PXDN: variants seen among roughly 807,000 people sequenced by gnomAD.
PXDN encodes peroxidasin.
In PXDN, 77 loss-of-function variants were observed where a neutral mutation model predicts 140.3. The ratio of observed to expected loss-of-function variants is 0.55; its 90% CI spans 0.46 to 0.66. The LOEUF (loss-of-function observed/expected upper bound fraction) is 0.66. Among genes scored for constraint, PXDN ranks in the 30% least tolerant of loss-of-function variants. PXDN has a pLI of 0.00. For synonymous variants in PXDN, 911 were observed against 857.4 expected, an observed-to-expected ratio of 1.06 and a Z score of -1.09; for missense variants, 1,838 against 2,039.5, an observed-to-expected ratio of 0.90 and a Z score of 1.90.
chr2:1,731,149 C>CGT (rs1351507370), intron 1 of PXDN, among the ~76,000 whole-genome samples: 3 of 115,748 alleles, frequency 2.6e-5, no homozygotes, highest in Admixed American at 7.7e-5. Flanking sequence ...TGAGAGCGCG[C>CGT]GCGCACACAC....
rs772991434 is a variant in PXDN at position 1,648,683 on chromosome 2, G to A, written c.3097C>T (p.His1033Tyr). ...GAEIQHITYQ[H>Y]WLPKILGEVG... Reference sequence around the variant, plus strand: ...TCCCCCAGGATCTTCGGGAGCCAGTGCTGGTAGGTGATGTGCTGGATCTCC... The same window carrying A: ...TCCCCCAGGATCTTCGGGAGCCAGTACTGGTAGGTGATGTGCTGGATCTCC... Residue 1033 changes from histidine (H) to tyrosine (Y), a missense_variant, in exon 17 of 23, where the codon CAC (histidine) becomes TAC (tyrosine). Physicochemically the swap from His to Tyr is moderately conservative, Grantham distance 83. This residue lies in a region of PXDN where 850 missense variants were observed against 894.1 expected (regional missense o/e 0.95). Transcript: ENST00000252804. This position sits in a 1 kb window ranked among gnomAD's most constrained non-coding sequence, Gnocchi z 8.9. 3.1e-6 allele frequency: 5 copies of A among 1,608,042 alleles called. No homozygotes were observed. The highest frequency in any genetic ancestry group is 4.2e-6 in the Non-Finnish European group (5 of 1,177,660).
At chr2:1,701,231 T>C (rs1684420409) in intron 1 of PXDN, among the ~76,000 whole-genome samples, 1 of 152,230 alleles carries the variant, frequency 6.6e-6, no homozygotes, top group African/African-American at 2.4e-5. Context: ...TCAGAGCTTG[T>C]GTTCCGAGAG....
intron 12 of PXDN, among the ~76,000 whole-genome samples, chr2:1,663,290 C>T (rs180806583): frequency 3.3e-5 from 5 of 152,210 alleles, no homozygotes; most frequent in African/African-American, 1.2e-4. Flanking sequence ...TAGAAACAAC[C>T]CTTTTCTAAA....
chr2:1,722,313 G>A (rs1328110178), intron 1 of PXDN, among the ~76,000 whole-genome samples: 1 of 152,224 alleles, frequency 6.6e-6, no homozygotes, highest in African/African-American at 2.4e-5. Context: ...CTGTGATGCT[G>A]ACGCAGTCTC....
Position 1,664,977 on chromosome 2 carries a change from G to C in PXDN, c.1389C>G (p.Val463=). ...QCEAKGNPPP[V]IAWTKGGSQL... The stretch of plus-strand genomic sequence containing the variant: ...TCTTACCTCCCTTGGTCCAGGCGAT[G>C]ACGGGCGGCGGGTTGCCCTTGGCTT... The change falls in exon 11 of 23, where the codon GTC becomes GTG. Residue 463 remains valine (V), a synonymous_variant. Coordinates refer to ENST00000252804, the MANE Select transcript of PXDN (RefSeq NM_012293.3). 1 of 1,611,516 alleles carries C rather than the reference G, an allele frequency of 6.2e-7. No individual in the cohort carries two copies. Among genetic ancestry groups the C allele is most frequent in the Non-Finnish European group, 8.5e-7 (1 of 1,178,382 alleles).
chr2:1,661,601 CA>C (rs1167107732), intron 13 of PXDN, among the ~76,000 whole-genome samples: 4 of 152,146 alleles, frequency 2.6e-5, no homozygotes, highest in African/African-American at 4.8e-5. Context: ...CCAGTGTGGC[CA>C]GCCCTGTGCT....
At chr2:1,657,915 C>G (rs1454321585) in intron 14 of PXDN, among the ~76,000 whole-genome samples, 1 of 150,424 alleles carries the variant, frequency 6.6e-6, no homozygotes, top group Non-Finnish European at 1.5e-5. Context: ...GACCTAGTCC[C>G]TTCCTGACAG....
chr2:1,726,866 C>T (rs913359101), intron 1 of PXDN, among the ~76,000 whole-genome samples: 3 of 152,022 alleles, frequency 2.0e-5, no homozygotes, highest in African/African-American at 7.3e-5. Context: ...TAATTCTTAG[C>T]AAAGACTTAA....
chr2:1,728,207 G>A (rs1318827009), intron 1 of PXDN, among the ~76,000 whole-genome samples: 3 of 152,192 alleles, frequency 2.0e-5, no homozygotes, highest in African/African-American at 7.2e-5. Flanking sequence ...CAAAGTGCTG[G>A]GATTACAAGC....
chr2:1,715,261 G>C (rs978650661), intron 1 of PXDN, among the ~76,000 whole-genome samples: 1 of 152,080 alleles, frequency 6.6e-6, no homozygotes, highest in African/African-American at 2.4e-5. Context: ...GGAAAGAGCC[G>C]ACGGTCATCT....
At chr2:1,672,958 C>T (rs181377384) in intron 9 of PXDN, among the ~76,000 whole-genome samples, 4 of 152,260 alleles carry the variant, frequency 2.6e-5, no homozygotes, top group South Asian at 2.1e-4. Context: ...CAGGCAGACC[C>T]GTCCAGAGGC....
In PXDN at chr2:1,680,281, C is replaced by T. The variant is rs1352247875; in HGVS notation, c.642G>A (p.Gly214=). The T allele has an allele frequency of 1.2e-6, 2 of 1,613,934 alleles. No individual in the cohort carries two copies. Among genetic ancestry groups the T allele is most frequent in the African/African-American group, 1.3e-5 (1 of 75,018 alleles). ...ADLLKTYAES[G]NAQAAAICEY... is the part of the protein sequence containing the mutation. ...CACAGATGGCCGCTGCCTGCGCGTT[C>T]CCCGACTCCGCGTAGGTTTTCAGCA... Residue 214 remains glycine (G), a synonymous_variant, in exon 7 of 23, where the codon GGG becomes GGA. Coordinates refer to ENST00000252804, the MANE Select transcript of PXDN (RefSeq NM_012293.3).
chr2:1,684,824 A>G (rs1486704072), intron 4 of PXDN, among the ~76,000 whole-genome samples: 1 of 152,210 alleles, frequency 6.6e-6, no homozygotes, highest in Non-Finnish European at 1.5e-5. Flanking sequence ...TTTCCTGAAT[A>G]CGAAATTTCT....
chr2:1,744,699 G>T (rs551494541), upstream of PXDN: 2 of 315,024 alleles, frequency 6.3e-6, no homozygotes, highest in Non-Finnish European at 1.1e-5. Flanking sequence ...TGGCCAAGGC[G>T]AGCGCTCGGG....
chr2:1,708,284 G>A (rs1684668721), intron 1 of PXDN, among the ~76,000 whole-genome samples: 1 of 152,226 alleles, frequency 6.6e-6, no homozygotes, highest in Non-Finnish European at 1.5e-5. Flanking sequence ...CAACCCAGCA[G>A]GACGCTTTAG....
chr2:1,721,383 T>G (rs903114863), intron 1 of PXDN, among the ~76,000 whole-genome samples: 1 of 152,208 alleles, frequency 6.6e-6, no homozygotes, highest in Non-Finnish European at 1.5e-5. Context: ...CTCTTTGAGT[T>G]GAGCAAAACA....
rs576053387 is a variant in PXDN at position 1,698,360 on chromosome 2, GA to G, written c.201-5227del. ...CTTGGAGAAGATCGGTGCATACAGG[GA>G]ACCCTCGAGAGCTCCCAGAAATGAT... On this transcript the variant is annotated intron_variant, in intron 1 of 22. Coordinates refer to ENST00000252804, the MANE Select transcript of PXDN (RefSeq NM_012293.3). Among the ~76,000 whole-genome samples the G allele has an allele frequency of 3.5e-3, 540 of 152,206 alleles. 3 individuals are homozygous for G. Among genetic ancestry groups the G allele is most frequent in the Non-Finnish European group, 5.6e-3 (379 of 68,016 alleles).
intron 7 of PXDN, 76 bp downstream of exon 7, chr2:1,680,117 A>AGATGTGTGTGTG: frequency 1.4e-6 from 2 of 1,385,442 alleles, no homozygotes; most frequent in Non-Finnish European, 2.0e-6. Flanking sequence ...TTGTGTGTGT[A>AGATGTGTGTGTG]GATGGTGTGT....
At chr2:1,699,732 AACAAAAAT>A (rs1217635164) in intron 1 of PXDN, among the ~76,000 whole-genome samples, 2 of 152,140 alleles carry the variant, frequency 1.3e-5, no homozygotes, top group African/African-American at 4.8e-5. Context: ...CAAACAAACA[AACAAAAAT>A]AAATAAGAGT....
Sources: gnomAD v4.1 joint callset for allele counts (sites outside exome capture counted in the v4.1 genomes callset) on GRCh38, gnomAD v4.1.1 for gene constraint, gnomAD v4.1.1 regional missense constraint, Gnocchi (gnomAD v3.1) non-coding constraint, MANE v1.5 for transcripts, NCBI Gene and HGNC (gene_info 2026-07-23, HGNC 2026-07-21) for gene names.